The following MPPED1 variants were observed in gnomAD, a reference collection of about 807,000 sequenced individuals.
The protein encoded by MPPED1 is metallophosphoesterase domain-containing protein 1.
Under a neutral mutation model 36.2 loss-of-function variants are expected in MPPED1, and 16 were observed. The observed-to-expected ratio is 0.44, with a 90% CI of 0.30 to 0.67. The LOEUF (loss-of-function observed/expected upper bound fraction) is 0.67, where lower values mean the gene tolerates loss of function less well. Ranked by LOEUF, MPPED1 falls within the 30% of genes least tolerant of loss-of-function variation. MPPED1 has a pLI of 0.10. For synonymous variants in MPPED1, 199 were observed against 191.3 expected, an observed-to-expected ratio of 1.04 and a Z score of -0.33; for missense variants, 307 against 453.4, an observed-to-expected ratio of 0.68 and a Z score of 2.93.
At chr22:43,425,737 C>T (rs911332174) in intron 2 of MPPED1, among the ~76,000 whole-genome samples, 2 of 152,254 alleles carry the variant, frequency 1.3e-5, no homozygotes, top group Non-Finnish European at 2.9e-5. Context: ...TGTTTCCCCT[C>T]CCTGCCCTTC....
At chr22:43,475,058 C>T (rs1045248036) in intron 4 of MPPED1, 97 bp downstream of exon 4, 17 of 1,095,076 alleles carry the variant, frequency 1.6e-5, no homozygotes, top group Middle Eastern at 2.2e-4. Context: ...CAGGGAGCTC[C>T]GGATGCGAGG....
chr22:43,470,677 A>G (rs560057973), intron 3 of MPPED1, among the ~76,000 whole-genome samples: 9 of 152,300 alleles, frequency 5.9e-5, no homozygotes, highest in Non-Finnish European at 1.2e-4. Context: ...CCAAATGTCC[A>G]TTGTCCTCTG....
At chr22:43,501,979 G>T (rs867439263) in intron 5 of MPPED1, among the ~76,000 whole-genome samples, 1 of 152,016 alleles carries the variant, frequency 6.6e-6, no homozygotes, top group Non-Finnish European at 1.5e-5. Flanking sequence ...GAGAGGGGCC[G>T]CCATGAACCC....
intron 4 of MPPED1, among the ~76,000 whole-genome samples, chr22:43,475,407 T>C (rs1333601150): frequency 1.2e-5 from 1 of 82,938 alleles, no homozygotes; most frequent in Non-Finnish European, 2.6e-5. Flanking sequence ...TCCTGCTCCA[T>C]ACAAAAAAAG....
intron 1 of MPPED1, among the ~76,000 whole-genome samples, chr22:43,423,820 G>A (rs1407987003): frequency 2.0e-5 from 3 of 152,182 alleles, no homozygotes; most frequent in Admixed American, 1.3e-4. Flanking sequence ...TAAATACAGC[G>A]CAAAAGGAAT....
In MPPED1 at chr22:43,507,536, G is replaced by A. The variant is rs1023767031; in HGVS notation, c.*1920G>A. ...ATGAGGTCTCTCTGATGCCCCAGGC[G>A]CAGGACATGTGTGCGGGTGGAGAAA... On this transcript the variant is annotated 3_prime_UTR_variant, in exon 7 of 7. Coordinates refer to ENST00000443721, the MANE Select transcript of MPPED1 (RefSeq NM_001044370.2). 6 of 152,214 alleles carry A rather than the reference G, an allele frequency of 3.9e-5. No homozygotes were observed. Among genetic ancestry groups the A allele is most frequent in the African/African-American group, 1.2e-4 (5 of 41,444 alleles). The allele number at this position is 152,214 out of a possible 1,614,324, so 9.4% of individuals were successfully genotyped here. A position where few individuals can be genotyped will look rare whatever the true frequency, so the allele number is the denominator to read the frequency against.
At chr22:43,483,554 C>A (rs1179426152) in intron 4 of MPPED1, among the ~76,000 whole-genome samples, 1 of 152,264 alleles carries the variant, frequency 6.6e-6, no homozygotes, top group Non-Finnish European at 1.5e-5. Flanking sequence ...CACTCAGTGC[C>A]AAGTTTCTGA....
intron 4 of MPPED1, among the ~76,000 whole-genome samples, chr22:43,476,825 G>T (rs753692503): frequency 2.6e-4 from 40 of 152,144 alleles, no homozygotes; most frequent in Admixed American, 4.6e-4. Flanking sequence ...ACAAGGAGAG[G>T]AGGGGAGGTG....
chr22:43,505,445 G>A, intron 6 of MPPED1, 53 bp from the exon 7 acceptor site: 1 of 1,515,816 alleles, frequency 6.6e-7, no homozygotes, highest in Non-Finnish European at 9.0e-7. Flanking sequence ...CACCCCCCTG[G>A]CCACCCTCAC....
At chr22:43,423,693 T>G (rs532642490) in intron 1 of MPPED1, among the ~76,000 whole-genome samples, 3 of 152,376 alleles carry the variant, frequency 2.0e-5, no homozygotes, top group African/African-American at 7.2e-5. Context: ...TCTAATTTGT[T>G]TTCTGACTGT....
At chr22:43,453,216 C>G (rs1930635585) in intron 3 of MPPED1, among the ~76,000 whole-genome samples, 2 of 152,112 alleles carry the variant, frequency 1.3e-5, no homozygotes, top group Admixed American at 1.3e-4. Context: ...TCCCAAAGTG[C>G]TGGGATTACA....
At chr22:43,500,326 TGGTGGTG>T (rs1932674079) in intron 5 of MPPED1, among the ~76,000 whole-genome samples, 30 of 117,650 alleles carry the variant, frequency 2.5e-4, no homozygotes, top group South Asian at 5.5e-4. Flanking sequence ...GTGGTGATGG[TGGTGGTG>T]GAGGTGGTGG....
chr22:43,484,091 G>A (rs1602004366), intron 4 of MPPED1, among the ~76,000 whole-genome samples: 2 of 152,236 alleles, frequency 1.3e-5, no homozygotes, highest in Admixed American at 6.5e-5. Flanking sequence ...AGCAGTCCCC[G>A]TTCACCTGGT....
chr22:43,423,816 C>T (rs957433982), intron 1 of MPPED1, among the ~76,000 whole-genome samples: 30 of 152,332 alleles, frequency 2.0e-4, no homozygotes, highest in Admixed American at 8.5e-4. Context: ...TGGTTAAATA[C>T]AGCGCAAAAG....
chr22:43,495,493 A>AGATG (rs1932256743), intron 4 of MPPED1, among the ~76,000 whole-genome samples: 1 of 7,976 alleles, frequency 1.3e-4, no homozygotes, highest in African/African-American at 1.1e-3. Flanking sequence ...TGGTGGAGGT[A>AGATG]GTGGTGGTGG....
At chr22:43,479,158 A>T (rs1931670738) in intron 4 of MPPED1, among the ~76,000 whole-genome samples, 1 of 152,248 alleles carries the variant, frequency 6.6e-6, no homozygotes, top group South Asian at 2.1e-4. Context: ...GGCATATGGC[A>T]GCTCATTCGG....
intron 4 of MPPED1, among the ~76,000 whole-genome samples, chr22:43,478,851 C>G (rs978050293): frequency 2.6e-5 from 4 of 152,086 alleles, no homozygotes; most frequent in African/African-American, 4.8e-5. Context: ...CCTGGGCTTC[C>G]CAGTAAGTGG....
At chr22:43,419,050 G>A (rs1238508483) in intron 1 of MPPED1, 1 of 152,140 alleles carries the variant, frequency 6.6e-6, no homozygotes, top group African/African-American at 2.4e-5. Flanking sequence ...CCCTGGCAGG[G>A]GCTTTTGAAT....
intron 4 of MPPED1, among the ~76,000 whole-genome samples, chr22:43,477,759 C>T (rs1040389247): frequency 1.3e-5 from 2 of 152,242 alleles, no homozygotes; most frequent in African/African-American, 4.8e-5. Flanking sequence ...AGTGAGGTCC[C>T]AGACAAGGGC....
Sources: gnomAD v4.1 joint callset for allele counts (sites outside exome capture counted in the v4.1 genomes callset) on GRCh38, gnomAD v4.1.1 for gene constraint, MANE v1.5 for transcripts, NCBI Gene and HGNC (gene_info 2026-07-23, HGNC 2026-07-21) for gene names.